Variants in SUGCT observed in about 807,000 individuals in gnomAD.
SUGCT encodes the protein succinyl-CoA:glutarate-CoA transferase.
A neutral mutation model predicts 55.0 loss-of-function variants in SUGCT; 41 were observed. The observed-to-expected ratio is 0.74, with a 90% confidence interval of 0.58 to 0.97. The LOEUF (loss-of-function observed/expected upper bound fraction) is 0.97, where lower values mean the gene tolerates loss of function less well. Among genes scored for constraint, SUGCT ranks in the 50% least tolerant of loss-of-function variants. SUGCT has a pLI of 0.00. For missense variants in SUGCT, 568 were observed against 547.8 expected, an observed-to-expected ratio of 1.04 and a Z score of -0.37; for synonymous variants, 187 against 200.4, an observed-to-expected ratio of 0.93 and a Z score of 0.56.
chr7:40,212,853 C>A (rs115811415), intron 6 of SUGCT, among the ~76,000 whole-genome samples: 2 of 151,988 alleles, frequency 1.3e-5, no homozygotes, highest in African/African-American at 2.4e-5. Flanking sequence ...GATTTTAATG[C>A]GTCTTTCTCA....
chr7:40,486,725 T>C (rs1173917119), intron 11 of SUGCT, among the ~76,000 whole-genome samples: 1 of 74,788 alleles, frequency 1.3e-5, no homozygotes, highest in Non-Finnish European at 2.4e-5. Context: ...TCTTCCTTCC[T>C]TTTTTTTTTT....
intron 9 of SUGCT, among the ~76,000 whole-genome samples, chr7:40,391,468 G>A (rs943855858): frequency 6.6e-6 from 1 of 152,116 alleles, no homozygotes; most frequent in African/African-American, 2.4e-5. Flanking sequence ...CAAAAAGTGG[G>A]CAAAGGATAT....
At chr7:40,380,618 G>A (rs1784823309) in intron 9 of SUGCT, among the ~76,000 whole-genome samples, 3 of 152,112 alleles carry the variant, frequency 2.0e-5, no homozygotes, top group Non-Finnish European at 2.9e-5. Context: ...CGAATTGGGG[G>A]ATTTCACTGA....
chr7:40,425,691 G>A (rs1312538943), intron 9 of SUGCT, among the ~76,000 whole-genome samples: 1 of 152,142 alleles, frequency 6.6e-6, no homozygotes, highest in Admixed American at 6.6e-5. Flanking sequence ...AACAGAGACT[G>A]CCCTTGTGGA....
intron 7 of SUGCT, among the ~76,000 whole-genome samples, chr7:40,257,520 C>T (rs1434157939): frequency 1.3e-5 from 2 of 151,744 alleles, no homozygotes. Context: ...AAAAAGTAAA[C>T]CAGGAGGAAA....
intron 8 of SUGCT, among the ~76,000 whole-genome samples, chr7:40,294,666 C>G (rs1226311638): frequency 6.6e-6 from 1 of 152,132 alleles, no homozygotes; most frequent in African/African-American, 2.4e-5. Flanking sequence ...CCTGCCTCTG[C>G]CTCCCAAGTA....
intron 10 of SUGCT, among the ~76,000 whole-genome samples, chr7:40,455,689 C>T (rs1449049513): frequency 1.3e-5 from 2 of 152,200 alleles, no homozygotes; most frequent in Non-Finnish European, 2.9e-5. Context: ...TGTGAAACCT[C>T]ACATTTCACA....
intron 13 of SUGCT, among the ~76,000 whole-genome samples, chr7:40,787,224 C>T (rs1790057452): frequency 6.6e-6 from 1 of 152,160 alleles, no homozygotes; most frequent in Admixed American, 6.5e-5. Flanking sequence ...TTTCAAAAAT[C>T]TGTTCAAAAT....
intron 12 of SUGCT, among the ~76,000 whole-genome samples, chr7:40,582,135 C>A (rs546508342): frequency 2.6e-5 from 4 of 151,868 alleles, no homozygotes; most frequent in African/African-American, 9.7e-5. Context: ...GAAAAGTCAC[C>A]GAGAGAGATT....
chr7:40,206,357 A>T (rs1283133364), intron 6 of SUGCT, among the ~76,000 whole-genome samples: 1 of 152,230 alleles, frequency 6.6e-6, no homozygotes, highest in Non-Finnish European at 1.5e-5. Flanking sequence ...AGCTAGCATT[A>T]GTGCAATACC....
chr7:40,889,753 G>C, the SUGCT span, among the ~76,000 whole-genome samples: 1 of 152,066 alleles, frequency 6.6e-6, no homozygotes, highest in African/African-American at 2.4e-5. Context: ...AGTTCTCACG[G>C]TTCTATTCCA....
chr7:41,027,582 T>C, the SUGCT span, among the ~76,000 whole-genome samples: 4,098 of 152,240 alleles, frequency 0.027, 177 homozygotes, highest in African/African-American at 0.092. Context: ...AGTTTGTCCA[T>C]CCACTTTATA....
chr7:40,882,490 CTG>C, the SUGCT span, among the ~76,000 whole-genome samples: 1 of 152,156 alleles, frequency 6.6e-6, no homozygotes, highest in African/African-American at 2.4e-5. Flanking sequence ...CACATCAAGG[CTG>C]TGTGTGTCTG....
At chr7:40,256,508 TG>T (rs1231741821) in intron 7 of SUGCT, among the ~76,000 whole-genome samples, 1 of 152,086 alleles carries the variant, frequency 6.6e-6, no homozygotes, top group East Asian at 1.9e-4. Context: ...TTGAGGAAAA[TG>T]CTTAAAAATT....
chr7:40,844,403 G>A, intron 13 of SUGCT, among the ~76,000 whole-genome samples: 1 of 152,102 alleles, frequency 6.6e-6, no homozygotes, highest in East Asian at 1.9e-4. Flanking sequence ...GTGGGAAGGG[G>A]AGCTGGAAGG....
intron 12 of SUGCT, among the ~76,000 whole-genome samples, chr7:40,595,882 A>G (rs1439223715): frequency 2.0e-5 from 3 of 152,162 alleles, no homozygotes; most frequent in Non-Finnish European, 2.9e-5. Flanking sequence ...AGCTTAAGCA[A>G]TTTATATTCA....
intron 11 of SUGCT, among the ~76,000 whole-genome samples, chr7:40,488,975 T>C (rs1171353404): frequency 2.0e-5 from 3 of 152,292 alleles, no homozygotes; most frequent in Middle Eastern, 3.4e-3. Context: ...TTTGGAGATC[T>C]TTGATTTTTC....
intron 9 of SUGCT, chr7:40,388,307 T>C (rs1785232669): frequency 6.6e-6 from 1 of 151,464 alleles, no homozygotes; most frequent in South Asian, 2.1e-4. Context: ...TTGCATTTTC[T>C]TTTCCTTAGG....
intron 13 of SUGCT, among the ~76,000 whole-genome samples, chr7:40,765,919 A>T (rs961439819): frequency 6.6e-6 from 1 of 152,168 alleles, no homozygotes; most frequent in African/African-American, 2.4e-5. Context: ...GTTTTCAGCC[A>T]TGTATTTTCT....
Sources: allele counts gnomAD v4.1 joint callset (sites outside exome capture counted in the v4.1 genomes callset), GRCh38; gene constraint gnomAD v4.1.1; transcripts MANE v1.5; gene names NCBI Gene and HGNC (gene_info 2026-07-23, HGNC 2026-07-21).